The following CR1 variants were observed in gnomAD, a reference collection of about 807,000 sequenced individuals.
The protein encoded by CR1 is complement C3b/C4b receptor 1 (Knops blood group).
A neutral mutation model predicts 187.3 loss-of-function variants in CR1; 116 were observed. The observed-to-expected ratio is 0.62, with a 90% CI of 0.53 to 0.72. The LOEUF (loss-of-function observed/expected upper bound fraction) is 0.72. CR1 is among the 30% of genes least tolerant of loss of function. The probability of loss-of-function intolerance (pLI) is 0.00; values close to 1 mark genes in which losing one functional copy is unlikely to be tolerated. For synonymous variants in CR1, 576 were observed against 747.1 expected (o/e 0.77, Z 3.73); for missense variants, 1,731 against 2,110.7 (o/e 0.82, Z 3.52).
intron 27 of CR1, 39 bp from the exon 28 acceptor site, chr1:207,575,556 G>A (rs759335098): frequency 6.2e-7 from 1 of 1,611,510 alleles, no homozygotes; most frequent in South Asian, 1.1e-5. Context: ...AGTTGATGAG[G>A]TATGTACAGG....
rs1168233897 is a variant in CR1 at position 207,616,739 on chromosome 1, G to A, written c.6826G>A (p.Asp2276Asn). ...IGESSIRCTS[D>N]PQGNGVWSSP... is the part of the protein sequence containing the mutation. The stretch of plus-strand genomic sequence containing the variant: ...GGAGAGCTCCATCCGCTGCACAAGT[G>A]ACCCTCAAGGGAATGGGGTTTGGAG... The change falls in exon 41 of 47, where the codon GAC (aspartate) becomes AAC (asparagine). Residue 2276 changes from aspartate to asparagine, a missense_variant. Asp to Asn is a conservative substitution (Grantham distance 23). Around this residue, in one of 5 missense-constraint regions of CR1, gnomAD observed 1,312 missense variants for 1,379.6 expected, o/e 0.95. Coordinates refer to ENST00000367049, the MANE Select transcript of CR1 (RefSeq NM_000651.6). 2 of 1,613,964 alleles carry A rather than the reference G, an allele frequency of 1.2e-6. No homozygotes were observed. The highest frequency in any genetic ancestry group is 1.1e-5 in the South Asian group (1 of 91,076).
chr1:207,501,621 T>A (rs933236616), intron 1 of CR1, among the ~76,000 whole-genome samples: 5 of 152,256 alleles, frequency 3.3e-5, no homozygotes, highest in African/African-American at 1.2e-4. Context: ...ACTATTCATA[T>A]ACTACTATGC....
intron 27 of CR1, among the ~76,000 whole-genome samples, chr1:207,575,254 A>C (rs1357451906): frequency 6.6e-6 from 1 of 152,004 alleles, no homozygotes; most frequent in Non-Finnish European, 1.5e-5. Flanking sequence ...AAATGCAAAC[A>C]AAAAAAGGCA....
Position 207,639,487 on chromosome 1 carries a change from A to T in CR1, c.*78A>T. On this transcript the variant is annotated 3_prime_UTR_variant, in exon 47 of 47. Coordinates refer to ENST00000367049, the MANE Select transcript of CR1 (RefSeq NM_000651.6). ...AGCCAATTGATTTCAACAGAATCAGATCTGAGCTTCATAAAGTCTTTGAAG... is the reference window on the plus strand; with the variant it reads ...AGCCAATTGATTTCAACAGAATCAGTTCTGAGCTTCATAAAGTCTTTGAAG... 6 of 1,390,428 alleles carry T rather than the reference A, an allele frequency of 4.3e-6. No homozygotes were observed. The highest frequency in any genetic ancestry group is 6.0e-6 in the Non-Finnish European group (6 of 1,000,456). The allele number at this position is 1,390,428 out of a possible 1,614,324, so 86.1% of individuals were successfully genotyped here.
At chr1:207,607,452 T>A (rs1661785707) in intron 36 of CR1, 116 bp downstream of exon 36, 2 of 740,624 alleles carry the variant, frequency 2.7e-6, no homozygotes, top group Admixed American at 2.3e-5. Flanking sequence ...TATTTGAAAA[T>A]AGGAGTCAGA....
At chr1:207,612,102 A>G in intron 39 of CR1, 61 bp downstream of exon 39, 12 of 1,537,022 alleles carry the variant, frequency 7.8e-6, no homozygotes, top group Non-Finnish European at 1.1e-5. Flanking sequence ...TCTTGAGATC[A>G]GGGGTTAATC....
At chr1:207,523,528 T>G (rs2102306709) in intron 4 of CR1, 83 bp from the exon 5 acceptor site, 1 of 1,575,330 alleles carries the variant, frequency 6.3e-7, no homozygotes, top group Non-Finnish European at 8.6e-7. Flanking sequence ...AATGTAAAAA[T>G]AGCTATAGTT....
intron 44 of CR1, among the ~76,000 whole-genome samples, 193 bp downstream of exon 44, chr1:207,622,189 T>C (rs1662334555): frequency 6.6e-6 from 1 of 152,206 alleles, no homozygotes; most frequent in South Asian, 2.1e-4. Flanking sequence ...ACTGGCATCG[T>C]CATATGCATA....
In CR1 at chr1:207,496,172, A is replaced by G. The variant is rs1055679052; in HGVS notation, c.-96A>G. ...AGCCCTCCCCACACTCTGGGCGCGG[A>G]GCACAATGATTGGTCACTCCTATTT... On this transcript the variant is annotated 5_prime_UTR_variant, in exon 1 of 47. Coordinates refer to ENST00000367049, the MANE Select transcript of CR1 (RefSeq NM_000651.6). The G allele has an allele frequency of 6.2e-7, 1 of 1,603,826 alleles. No homozygotes were observed. The highest frequency in any genetic ancestry group is 1.7e-5 in the Admixed American group (1 of 59,006).
At chr1:207,608,042 A>C (rs1661803158) in intron 36 of CR1, among the ~76,000 whole-genome samples, 1 of 152,220 alleles carries the variant, frequency 6.6e-6, no homozygotes, top group Admixed American at 6.5e-5. Context: ...TCTGACTGAC[A>C]ATTCCATTTC....
intron 36 of CR1, among the ~76,000 whole-genome samples, chr1:207,608,256 T>C (rs1661809372): frequency 6.6e-6 from 1 of 152,098 alleles, no homozygotes; most frequent in South Asian, 2.1e-4. Flanking sequence ...CCAGGAGGAA[T>C]TAAAGGTTGA....
intron 31 of CR1, 59 bp from the exon 32 acceptor site, chr1:207,581,859 G>C: frequency 8.4e-7 from 1 of 1,195,214 alleles, no homozygotes; most frequent in Non-Finnish European, 1.2e-6. Context: ...GTTGAGATCT[G>C]TCACGAAGGG....
Position 207,580,203 on chromosome 1 carries a change from A to G in CR1, c.4937-37A>G, listed in dbSNP as rs374429951. 1.6e-5 allele frequency: 25 copies of G among 1,606,140 alleles called. 1 individual carries two copies. The African/African-American group carries it at 3.2e-4, about 21-fold the overall frequency. On this transcript the variant is annotated intron_variant, in intron 29 of 46. Transcript: ENST00000367049. ...TTCAGGAAGCATAGGAAATTCCCCCATAACTAACAAGTACTCTGGAACTGT... is the reference window on the plus strand; with the variant it reads ...TTCAGGAAGCATAGGAAATTCCCCCGTAACTAACAAGTACTCTGGAACTGT...
At chr1:207,634,694 G>T (rs550162982) in intron 46 of CR1, among the ~76,000 whole-genome samples, 1 of 151,998 alleles carries the variant, frequency 6.6e-6, no homozygotes, top group Admixed American at 6.5e-5. Flanking sequence ...AAAAGGAGAC[G>T]CTTCAGCACG....
chr1:207,581,703 C>CT (rs1318208446), intron 31 of CR1, among the ~76,000 whole-genome samples: 2 of 152,162 alleles, frequency 1.3e-5, no homozygotes, highest in Non-Finnish European at 2.9e-5. Flanking sequence ...GCTATTATTG[C>CT]TTTGTCCTCA....
rs773555401 is a variant in CR1 at position 207,590,901 on chromosome 1, A to T, written c.5810+2127A>T. ...GGCAAAGGATGCAACAAGAAGAGCTAACTATCCTAAATATATATGCACCCA... is the reference window on the plus strand; with the variant it reads ...GGCAAAGGATGCAACAAGAAGAGCTTACTATCCTAAATATATATGCACCCA... On this transcript the variant is annotated intron_variant, in intron 35 of 46. Transcript: ENST00000367049. Among the ~76,000 whole-genome samples, 4 of 152,236 alleles carry T rather than the reference A, an allele frequency of 2.6e-5. No individual in the cohort carries two copies. In the South Asian group the frequency reaches 6.2e-4, roughly 24 times the overall value.
chr1:207,579,883 G>A (rs563793851), intron 29 of CR1, among the ~76,000 whole-genome samples: 1 of 152,146 alleles, frequency 6.6e-6, no homozygotes, highest in Non-Finnish European at 1.5e-5. Flanking sequence ...TGCCTGTCCC[G>A]AAACAGTATG....
chr1:207,508,864 G>A lies in CR1; in HGVS notation c.401+2051G>A, dbSNP rs1277398687. On this transcript the variant is annotated intron_variant, in intron 3 of 46. Coordinates refer to ENST00000367049, the MANE Select transcript of CR1 (RefSeq NM_000651.6). ...AATCAAAATGCTGTAACTATGCATGGTCCCATATGGAAAATATAATCCTGC... is the reference window on the plus strand; with the variant it reads ...AATCAAAATGCTGTAACTATGCATGATCCCATATGGAAAATATAATCCTGC... 2.0e-5 allele frequency among the ~76,000 whole-genome samples: 3 copies of A among 152,024 alleles called. No homozygotes were observed. The East Asian group carries it at 5.8e-4, about 29-fold the overall frequency.
chr1:207,613,922 A>G (rs1206772920), intron 39 of CR1, among the ~76,000 whole-genome samples: 1 of 152,046 alleles, frequency 6.6e-6, no homozygotes, highest in Non-Finnish European at 1.5e-5. Context: ...CAGTTGTAGT[A>G]GCAAGAAGAA....
Sources: allele counts gnomAD v4.1 joint callset (sites outside exome capture counted in the v4.1 genomes callset), GRCh38; gene constraint gnomAD v4.1.1; regional missense constraint gnomAD v4.1.1; transcripts MANE v1.5; gene names NCBI Gene and HGNC (gene_info 2026-07-23, HGNC 2026-07-21).